Variants in TBC1D5 observed in about 807,000 individuals in gnomAD.
TBC1D5 encodes TBC1 domain family, member 5.
A neutral mutation model predicts 100.3 loss-of-function variants in TBC1D5; 75 were observed. That is an observed-to-expected ratio of 0.75 (90% CI 0.62 to 0.91). The LOEUF is 0.91. TBC1D5 is among the 40% of genes least tolerant of loss of function. The pLI is 0.00. For synonymous variants in TBC1D5, 323 were observed against 325.6 expected (o/e 0.99, Z 0.09); for missense variants, 910 against 942.4 (o/e 0.97, Z 0.45).
At chr3:17,443,286 G>A (rs572669378) in intron 3 of TBC1D5, among the ~76,000 whole-genome samples, 2 of 152,120 alleles carry the variant, frequency 1.3e-5, no homozygotes, top group African/African-American at 4.8e-5. Context: ...CTTGCACTCC[G>A]AGCTAAGTAA....
chr3:17,445,949 G>T (rs757919343), intron 3 of TBC1D5, among the ~76,000 whole-genome samples: 3 of 152,172 alleles, frequency 2.0e-5, no homozygotes, highest in Non-Finnish European at 2.9e-5. Context: ...AATGGAAGAA[G>T]AACAACAGGG....
At chr3:17,249,835 ATT>A (rs778076308) in intron 16 of TBC1D5, among the ~76,000 whole-genome samples, 1 of 152,216 alleles carries the variant, frequency 6.6e-6, no homozygotes, top group Admixed American at 6.5e-5. Context: ...CACACACAGT[ATT>A]TATTGATTAA....
chr3:17,356,048 A>G (rs1448644170), intron 13 of TBC1D5, among the ~76,000 whole-genome samples: 1 of 152,150 alleles, frequency 6.6e-6, no homozygotes, highest in Admixed American at 6.6e-5. Flanking sequence ...AAAAGCACCA[A>G]TATGCTGGTT....
intron 3 of TBC1D5, among the ~76,000 whole-genome samples, chr3:17,461,351 C>T (rs947147940): frequency 3.3e-5 from 5 of 152,188 alleles, no homozygotes; most frequent in Non-Finnish European, 2.9e-5. Flanking sequence ...TATGTACATA[C>T]TGTGGGCTTC....
At chr3:17,287,964 A>C (rs1008237799) in intron 15 of TBC1D5, among the ~76,000 whole-genome samples, 1 of 152,206 alleles carries the variant, frequency 6.6e-6, no homozygotes, top group African/African-American at 2.4e-5. Context: ...TTCATGTCTC[A>C]AATCTCATCT....
At chr3:17,295,644 T>C (rs923698074) in intron 14 of TBC1D5, among the ~76,000 whole-genome samples, 1 of 152,232 alleles carries the variant, frequency 6.6e-6, no homozygotes, top group Non-Finnish European at 1.5e-5. Flanking sequence ...ACACTTACAA[T>C]TGTAATGTTT....
intron 15 of TBC1D5, among the ~76,000 whole-genome samples, chr3:17,276,209 G>A (rs1223658776): frequency 1.3e-5 from 2 of 152,118 alleles, no homozygotes; most frequent in Non-Finnish European, 2.9e-5. Context: ...TTCCTTACGT[G>A]GTGGAAGGGG....
chr3:17,439,647 A>G (rs2094603207), intron 3 of TBC1D5, among the ~76,000 whole-genome samples: 1 of 152,178 alleles, frequency 6.6e-6, no homozygotes, highest in Non-Finnish European at 1.5e-5. Context: ...CTATGACATT[A>G]AGGAATTACT....
intron 2 of TBC1D5, among the ~76,000 whole-genome samples, chr3:17,617,118 G>A (rs980789553): frequency 2.6e-5 from 4 of 151,996 alleles, no homozygotes; most frequent in South Asian, 2.1e-4. Context: ...ATTTAGTTGT[G>A]AAGGATTTTA....
chr3:17,302,243 C>T (rs1559587890), intron 14 of TBC1D5, among the ~76,000 whole-genome samples: 1 of 152,128 alleles, frequency 6.6e-6, no homozygotes, highest in Admixed American at 6.5e-5. Context: ...GATAATATCA[C>T]TCCAACCTCT....
At chr3:17,522,397 G>A (rs1176335176) in intron 2 of TBC1D5, among the ~76,000 whole-genome samples, 1 of 151,882 alleles carries the variant, frequency 6.6e-6, no homozygotes, top group African/African-American at 2.4e-5. Context: ...TGCATAAGAG[G>A]GAAAGACTAA....
chr3:17,555,619 A>G (rs1027646607), intron 2 of TBC1D5, among the ~76,000 whole-genome samples: 1 of 152,228 alleles, frequency 6.6e-6, no homozygotes, highest in Non-Finnish European at 1.5e-5. Flanking sequence ...GATTCTATTC[A>G]GAATGTAAAC....
intron 1 of TBC1D5, among the ~76,000 whole-genome samples, chr3:17,694,866 A>G (rs1451170509): frequency 6.6e-6 from 1 of 152,222 alleles, no homozygotes. Flanking sequence ...AGTTACCCAC[A>G]AAAGGAAGCC....
chr3:17,235,683 C>G (rs2075800093), intron 17 of TBC1D5, among the ~76,000 whole-genome samples: 1 of 152,098 alleles, frequency 6.6e-6, no homozygotes, highest in South Asian at 2.1e-4. Flanking sequence ...GGGATTAGCC[C>G]AAATCTCTTA....
At chr3:17,315,875 G>GC (rs915285667) in intron 13 of TBC1D5, among the ~76,000 whole-genome samples, 3 of 152,144 alleles carry the variant, frequency 2.0e-5, no homozygotes, top group African/African-American at 7.2e-5. Context: ...CTTCAGGTAT[G>GC]CCCCACTGAA....
intron 2 of TBC1D5, among the ~76,000 whole-genome samples, chr3:17,526,331 C>T (rs190956074): frequency 1.2e-3 from 177 of 152,218 alleles, no homozygotes; most frequent in African/African-American, 3.9e-3. Context: ...AATCCTCCAG[C>T]CTTAGTCTCC....
intron 2 of TBC1D5, among the ~76,000 whole-genome samples, chr3:17,521,818 A>C (rs887129737): frequency 1.3e-5 from 2 of 152,200 alleles, no homozygotes; most frequent in Non-Finnish European, 2.9e-5. Context: ...AGGTATGATC[A>C]TCAAAATTTA....
At chr3:17,246,278 A>G (rs1030898905) in intron 16 of TBC1D5, among the ~76,000 whole-genome samples, 1 of 152,204 alleles carries the variant, frequency 6.6e-6, no homozygotes, top group Non-Finnish European at 1.5e-5. Context: ...GAAGTTAAAG[A>G]TGACCTAACT....
intron 3 of TBC1D5, among the ~76,000 whole-genome samples, chr3:17,486,502 TAA>T (rs1420606563): frequency 3.3e-5 from 5 of 152,140 alleles, no homozygotes; most frequent in African/African-American, 1.2e-4. Flanking sequence ...ATCCATCTTT[TAA>T]AAGTCTCTTC....
Sources: allele counts gnomAD v4.1 joint callset (sites outside exome capture counted in the v4.1 genomes callset), GRCh38; gene constraint gnomAD v4.1.1; transcripts MANE v1.5; gene names NCBI Gene and HGNC (gene_info 2026-07-23, HGNC 2026-07-21).